Variants in ZFPM2 observed in about 807,000 individuals in gnomAD.
ZFPM2 encodes zinc finger protein ZFPM2.
ZFPM2 carries 20 observed loss-of-function variants against 98.6 expected under a neutral mutation model. That is an observed-to-expected ratio of 0.20 (90% confidence interval 0.14 to 0.29). The LOEUF (loss-of-function observed/expected upper bound fraction) is 0.29. ZFPM2 is among the 10% of genes least tolerant of loss of function. The pLI, the probability that ZFPM2 is intolerant of heterozygous loss-of-function variation, is 1.00. For synonymous variants in ZFPM2, 518 were observed against 502.7 expected (o/e 1.03, Z -0.41); for missense variants, 1,310 against 1,388.6 (o/e 0.94, Z 0.90).
intron 5 of ZFPM2, among the ~76,000 whole-genome samples, chr8:105,640,746 C>A (rs1478771200): frequency 1.3e-5 from 2 of 151,984 alleles, no homozygotes; most frequent in African/African-American, 4.8e-5. Flanking sequence ...AATTTTCAAA[C>A]AATAGCTTTG....
At chr8:105,587,232 G>A (rs562499680) in intron 4 of ZFPM2, among the ~76,000 whole-genome samples, 3 of 146,414 alleles carry the variant, frequency 2.0e-5, no homozygotes, top group Admixed American at 6.9e-5. Context: ...AGCAGAGATC[G>A]TGCCACTGCA....
At chr8:105,482,198 A>G (rs1813133707) in intron 3 of ZFPM2, among the ~76,000 whole-genome samples, 1 of 152,128 alleles carries the variant, frequency 6.6e-6, no homozygotes, top group African/African-American at 2.4e-5. Context: ...ATGGAAGTCA[A>G]TTTTTATTTC....
intron 1 of ZFPM2, among the ~76,000 whole-genome samples, chr8:105,375,045 T>C (rs1276824609): frequency 1.3e-5 from 2 of 152,222 alleles, no homozygotes; most frequent in Non-Finnish European, 1.5e-5. Flanking sequence ...ATGCTATCTT[T>C]GTTTGTATTT....
At chr8:105,642,026 C>G (rs1316497145) in intron 5 of ZFPM2, among the ~76,000 whole-genome samples, 1 of 152,040 alleles carries the variant, frequency 6.6e-6, no homozygotes, top group Non-Finnish European at 1.5e-5. Flanking sequence ...AGAGTGGGGT[C>G]TTTGAGAGGT....
intron 2 of ZFPM2, among the ~76,000 whole-genome samples, chr8:105,442,367 A>C (rs191342758): frequency 9.2e-5 from 14 of 152,134 alleles, no homozygotes; most frequent in South Asian, 6.2e-4. Flanking sequence ...AACAAAAACA[A>C]AAAAACAACA....
rs1811429745 is a variant in ZFPM2, at chr8:105,405,446, C to A, written c.41-13698C>A. The stretch of plus-strand genomic sequence containing the variant: ...CCCTCCCCCCTCCCCCACCCCACAA[C>A]AGTCCCTGGTGTGTGATGTTCCCCT... On this transcript the variant is annotated intron_variant, in intron 1 of 7. Transcript: ENST00000407775. Among the ~76,000 whole-genome samples the A allele has an allele frequency of 2.1e-5, 3 of 142,126 alleles. No homozygotes were observed. In the South Asian group the frequency reaches 7.2e-4, roughly 34 times the overall value. The allele number at this position is 142,126 out of a possible 152,430, so 93.2% of individuals were successfully genotyped here. A position where few individuals can be genotyped will look rare whatever the true frequency, so the allele number is the denominator to read the frequency against.
chr8:105,648,049 G>A (rs990195303), intron 5 of ZFPM2, among the ~76,000 whole-genome samples: 2 of 152,126 alleles, frequency 1.3e-5, no homozygotes, highest in Admixed American at 6.5e-5. Flanking sequence ...GTGGTTTCCT[G>A]ACTTTTTAAT....
At chr8:105,487,620 C>T (rs1393383401) in intron 3 of ZFPM2, among the ~76,000 whole-genome samples, 4 of 151,958 alleles carry the variant, frequency 2.6e-5, no homozygotes, top group African/African-American at 9.7e-5. Context: ...TGAATGTGTT[C>T]CAGTGAAACT....
Position 105,801,326 on chromosome 8 carries a change from T to C in ZFPM2, c.1244T>C (p.Leu415Ser). 1 of 1,613,924 alleles carries C rather than the reference T, an allele frequency of 6.2e-7. No individual in the cohort carries two copies. The highest frequency in any genetic ancestry group is 1.3e-5 in the African/African-American group (1 of 75,016). The part of the protein sequence containing the change: ...EDSLQPATDL[L>S]TRSELPQSQK... ...AGCTTACAGCCAGCCACAGACTTAT[T>C]GACCAGAAGCGAACTTCCCCAGAGC... is the stretch of plus-strand genomic sequence containing the variant. Residue 415 changes from leucine (L) to serine (S), a missense_variant, in exon 8 of 8, where the codon TTG becomes TCG. Transcript: ENST00000407775.
chr8:105,647,679 C>T (rs1817077411), intron 5 of ZFPM2, among the ~76,000 whole-genome samples: 2 of 152,152 alleles, frequency 1.3e-5, no homozygotes, highest in Admixed American at 6.5e-5. Flanking sequence ...TTTCCAACTT[C>T]ATCCACGTCC....
At chr8:105,454,025 C>A (rs1329063602) in intron 3 of ZFPM2, among the ~76,000 whole-genome samples, 5 of 152,044 alleles carry the variant, frequency 3.3e-5, no homozygotes, top group African/African-American at 7.2e-5. Context: ...TTAATATTAT[C>A]TAAAACTCAA....
At chr8:105,747,311 G>A (rs1234192240) in intron 5 of ZFPM2, among the ~76,000 whole-genome samples, 1 of 152,004 alleles carries the variant, frequency 6.6e-6, no homozygotes, top group African/African-American at 2.4e-5. Flanking sequence ...CAGTTAACTC[G>A]AAGGTTAAGT....
intron 1 of ZFPM2, among the ~76,000 whole-genome samples, chr8:105,407,889 A>T (rs542257828): frequency 1.3e-5 from 2 of 152,040 alleles, no homozygotes; most frequent in African/African-American, 4.8e-5. Context: ...CCATATAGAC[A>T]CTTATGTCAG....
intron 5 of ZFPM2, among the ~76,000 whole-genome samples, chr8:105,772,434 A>G (rs1813000207): frequency 6.6e-6 from 1 of 152,166 alleles, no homozygotes; most frequent in African/African-American, 2.4e-5. Context: ...GAAGAATAAT[A>G]AAGTTTTAAA....
At chr8:105,646,655 C>G (rs78289473) in intron 5 of ZFPM2, among the ~76,000 whole-genome samples, 1 of 152,194 alleles carries the variant, frequency 6.6e-6, no homozygotes, top group Non-Finnish European at 1.5e-5. Flanking sequence ...ACAATCCATT[C>G]ATGGTAATGA....
intron 5 of ZFPM2, among the ~76,000 whole-genome samples, chr8:105,664,201 TG>T (rs1817446347): frequency 6.6e-6 from 1 of 152,222 alleles, no homozygotes; most frequent in African/African-American, 2.4e-5. Flanking sequence ...TCTTATGCAT[TG>T]GTTGTTTTGA....
At chr8:105,589,685 G>GTC (rs1368861327) in intron 4 of ZFPM2, among the ~76,000 whole-genome samples, 4 of 152,180 alleles carry the variant, frequency 2.6e-5, no homozygotes, top group Admixed American at 6.5e-5. Flanking sequence ...CACTGTGCCA[G>GTC]TCATATTCTC....
At chr8:105,676,904 A>G (rs1810483197) in intron 5 of ZFPM2, among the ~76,000 whole-genome samples, 1 of 152,102 alleles carries the variant, frequency 6.6e-6, no homozygotes, top group Non-Finnish European at 1.5e-5. Flanking sequence ...TTTTTAACAT[A>G]TTTGAGTTTA....
At chr8:105,711,957 G>A (rs1297698237) in intron 5 of ZFPM2, among the ~76,000 whole-genome samples, 2 of 151,964 alleles carry the variant, frequency 1.3e-5, no homozygotes, top group Non-Finnish European at 2.9e-5. Context: ...TAACCCACCT[G>A]AAACTTGATT....
Sources: gnomAD v4.1 joint callset for allele counts (sites outside exome capture counted in the v4.1 genomes callset) on GRCh38, gnomAD v4.1.1 for gene constraint, MANE v1.5 for transcripts, NCBI Gene and HGNC (gene_info 2026-07-23, HGNC 2026-07-21) for gene names.